NLGN1: variants seen among roughly 807,000 people sequenced by gnomAD.
NLGN1 encodes the protein neuroligin 1.
A neutral mutation model predicts 65.5 loss-of-function variants in NLGN1; 12 were observed. The ratio of observed to expected loss-of-function variants is 0.18; its 90% CI spans 0.12 to 0.30. NLGN1 has a LOEUF of 0.30. Among genes scored for constraint, NLGN1 ranks in the 10% least tolerant of loss-of-function variants. The pLI is 1.00. For missense variants in NLGN1, 750 were observed against 1,007.1 expected (o/e 0.74, Z 3.46); for synonymous variants, 350 against 359.5 (o/e 0.97, Z 0.30).
intron 4 of NLGN1, among the ~76,000 whole-genome samples, chr3:173,989,626 A>G (rs1211134524): frequency 6.6e-6 from 1 of 152,238 alleles, no homozygotes; most frequent in Middle Eastern, 3.2e-3. Context: ...AACAAAAGTA[A>G]TAGAAAATCT....
At chr3:173,868,917 A>T (rs2150854431) in intron 4 of NLGN1, among the ~76,000 whole-genome samples, 1 of 152,240 alleles carries the variant, frequency 6.6e-6, no homozygotes, top group Admixed American at 6.5e-5. Context: ...AGAAAGAGAG[A>T]ACAAAGAGAG....
At chr3:173,875,453 A>G (rs980599107) in intron 4 of NLGN1, among the ~76,000 whole-genome samples, 1 of 152,250 alleles carries the variant, frequency 6.6e-6, no homozygotes, top group Non-Finnish European at 1.5e-5. Context: ...TGTTTAAAGC[A>G]TAAAATGTAG....
intron 3 of NLGN1, among the ~76,000 whole-genome samples, chr3:173,648,747 G>A (rs1758672432): frequency 6.6e-6 from 1 of 151,900 alleles, no homozygotes; most frequent in Admixed American, 6.6e-5. Context: ...GCTAATTTTT[G>A]TATTTTTAGT....
chr3:173,613,606 A>G (rs1411186593), intron 3 of NLGN1, among the ~76,000 whole-genome samples: 1 of 152,150 alleles, frequency 6.6e-6, no homozygotes, highest in African/African-American at 2.4e-5. Context: ...GATCCTACCA[A>G]TTTAAAACTG....
chr3:173,936,145 C>A (rs9831200), intron 4 of NLGN1, among the ~76,000 whole-genome samples: 5,094 of 151,488 alleles, frequency 0.034, 152 homozygotes, highest in African/African-American at 0.086. Context: ...ATGGTTCTCA[C>A]AAAATTGACA....
At chr3:173,768,348 T>C (rs1219251661) in intron 3 of NLGN1, among the ~76,000 whole-genome samples, 1 of 152,168 alleles carries the variant, frequency 6.6e-6, no homozygotes, top group Non-Finnish European at 1.5e-5. Flanking sequence ...CTTGAGATGG[T>C]ACCACAGGAG....
intron 2 of NLGN1, among the ~76,000 whole-genome samples, chr3:173,593,006 T>C (rs1360173297): frequency 6.6e-6 from 1 of 152,154 alleles, no homozygotes; most frequent in African/African-American, 2.4e-5. Context: ...TTCTGGCACA[T>C]TCTATACCTT....
rs374178716 is a variant in NLGN1, at chr3:173,587,835, A to G, written c.-320-16444A>G. Among the ~76,000 whole-genome samples, 221 of 152,284 alleles carry G rather than the reference A, an allele frequency of 1.5e-3. 4 individuals are homozygous for G. Among genetic ancestry groups the G allele is most frequent in the African/African-American group, 4.8e-3 (198 of 41,554 alleles). On this transcript the variant is annotated intron_variant, in intron 2 of 6. Coordinates refer to ENST00000457714, the Ensembl canonical transcript of NLGN1. ...GCTTGACAGCTGCACCTGTCCCTCA[A>G]AAACCTTTTATGTGTTGCAACTGGC...
intron 4 of NLGN1, among the ~76,000 whole-genome samples, chr3:174,056,586 A>T (rs749499294): frequency 6.6e-6 from 1 of 152,012 alleles, no homozygotes; most frequent in Non-Finnish European, 1.5e-5. Context: ...TGTATCATGG[A>T]AGTTCTCTAA....
chr3:173,559,086 T>G (rs1466393884), intron 2 of NLGN1, among the ~76,000 whole-genome samples: 2 of 152,204 alleles, frequency 1.3e-5, no homozygotes, highest in Admixed American at 6.5e-5. Context: ...TTGATCTTAG[T>G]TTGGACTTTG....
intron 4 of NLGN1, among the ~76,000 whole-genome samples, chr3:173,861,446 A>G (rs1347869111): frequency 6.6e-6 from 1 of 151,836 alleles, no homozygotes; most frequent in Non-Finnish European, 1.5e-5. Context: ...TTAGTCTCCC[A>G]AATTACTTAC....
chr3:173,931,494 C>A (rs952705465), intron 4 of NLGN1, among the ~76,000 whole-genome samples: 1 of 152,054 alleles, frequency 6.6e-6, no homozygotes, highest in African/African-American at 2.4e-5. Context: ...AAAGTTAAGT[C>A]TTGTGGCTAT....
chr3:174,073,205 A>G (rs1740264916), intron 4 of NLGN1, among the ~76,000 whole-genome samples: 1 of 152,142 alleles, frequency 6.6e-6, no homozygotes, highest in African/African-American at 2.4e-5. Context: ...TTTCAAGTGA[A>G]GAAACAGAAT....
At chr3:173,957,690 TA>T (rs2152340946) in intron 4 of NLGN1, among the ~76,000 whole-genome samples, 1 of 152,334 alleles carries the variant, frequency 6.6e-6, no homozygotes, top group Admixed American at 6.5e-5. Flanking sequence ...GAATACACCT[TA>T]CTAATAGTTT....
intron 4 of NLGN1, among the ~76,000 whole-genome samples, chr3:173,928,640 G>C (rs1011180218): frequency 1.3e-5 from 2 of 151,290 alleles, no homozygotes; most frequent in African/African-American, 4.9e-5. Flanking sequence ...ATGATATTTA[G>C]AGGTATGCTC....
At chr3:173,413,556 T>C (rs888049912) in intron 1 of NLGN1, among the ~76,000 whole-genome samples, 2 of 152,124 alleles carry the variant, frequency 1.3e-5, no homozygotes, top group African/African-American at 4.8e-5. Context: ...GCTGACATCA[T>C]GCCACTGTAC....
rs375233614 is a variant in NLGN1 at position 174,264,443 on chromosome 3, T to C, written c.647-10872T>C. On this transcript the variant is annotated intron_variant, in intron 4 of 6. Transcript: ENST00000457714. Reference sequence around the variant, plus strand: ...TTCATTTCATTCATTTCATCTTCCATCGCTGATACCCTTTCTTCTAGTTGA... The same window carrying C: ...TTCATTTCATTCATTTCATCTTCCACCGCTGATACCCTTTCTTCTAGTTGA... Among the ~76,000 whole-genome samples, 10 of 148,650 alleles carry C rather than the reference T, an allele frequency of 6.7e-5. No individual in the cohort carries two copies. The East Asian group carries it at 1.7e-3, about 25-fold the overall frequency.
At chr3:174,010,183 T>C (rs1328000718) in intron 4 of NLGN1, among the ~76,000 whole-genome samples, 1 of 152,134 alleles carries the variant, frequency 6.6e-6, no homozygotes, top group East Asian at 1.9e-4. Context: ...ACATAATACC[T>C]CTGAAGACAA....
intron 3 of NLGN1, among the ~76,000 whole-genome samples, chr3:173,667,992 A>G (rs1215065287): frequency 6.6e-6 from 1 of 152,210 alleles, no homozygotes; most frequent in African/African-American, 2.4e-5. Context: ...ATAATGTATT[A>G]TGTCTCATTC....
Sources: gnomAD v4.1 joint callset for allele counts (sites outside exome capture counted in the v4.1 genomes callset) on GRCh38, gnomAD v4.1.1 for gene constraint, MANE v1.5 for transcripts, NCBI Gene and HGNC (gene_info 2026-07-23, HGNC 2026-07-21) for gene names.